Variants in SMIM23 observed in about 807,000 individuals in gnomAD.
SMIM23 encodes the protein CTB-78H18.1.
Under a neutral mutation model 12.8 loss-of-function variants are expected in SMIM23, and 10 were observed. That is an observed-to-expected ratio of 0.78 (90% CI 0.48 to 1.32). SMIM23 has a LOEUF of 1.32. SMIM23 is among the 40% of genes most tolerant of loss of function. The pLI, the probability that SMIM23 is intolerant of heterozygous loss-of-function variation, is 0.00. For synonymous variants in SMIM23, 78 were observed against 80.1 expected (o/e 0.97, Z 0.14); for missense variants, 184 against 198.2 (o/e 0.93, Z 0.43).
At chr5:171,788,942 C>T (rs28621037) in intron 1 of SMIM23, among the ~76,000 whole-genome samples, 5 of 152,278 alleles carry the variant, frequency 3.3e-5, no homozygotes, top group Admixed American at 6.5e-5. Flanking sequence ...CAGGCTCAAG[C>T]GATGCTCCTG....
At chr5:171,777,413 A>C in the SMIM23 span, among the ~76,000 whole-genome samples, 104 of 152,246 alleles carry the variant, frequency 6.8e-4, no homozygotes, top group East Asian at 0.015. Flanking sequence ...CACTGTTCGC[A>C]GTTCTTTAGC....
chr5:171,788,876 G>A (rs147679094), intron 1 of SMIM23, among the ~76,000 whole-genome samples: 4,602 of 152,280 alleles, frequency 0.03, 82 homozygotes, highest in Non-Finnish European at 0.048. Context: ...TTCTTGCTCT[G>A]TCACCCAGAC....
intron 1 of SMIM23, among the ~76,000 whole-genome samples, chr5:171,786,997 T>C (rs1207276000): frequency 2.9e-5 from 4 of 138,970 alleles, no homozygotes; most frequent in Non-Finnish European, 4.6e-5. Flanking sequence ...CAGAGTCCCA[T>C]TGTTTCCTTT....
chr5:171,783,685 A>G (rs377216071), upstream of SMIM23, among the ~76,000 whole-genome samples: 8 of 152,380 alleles, frequency 5.3e-5, no homozygotes, highest in East Asian at 9.6e-4. Flanking sequence ...AGCACAATTC[A>G]TAAAAGAAAA....
chr5:171,782,090 C>A (rs887463887), upstream of SMIM23, among the ~76,000 whole-genome samples: 2 of 152,220 alleles, frequency 1.3e-5, no homozygotes, highest in African/African-American at 4.8e-5. Flanking sequence ...TTTCGCTCTT[C>A]ACAGTAAATC....
upstream of SMIM23, among the ~76,000 whole-genome samples, chr5:171,783,383 A>G (rs534359188): frequency 3.3e-5 from 5 of 152,376 alleles, no homozygotes; most frequent in South Asian, 2.1e-4. Context: ...AAATCACTCT[A>G]CTTGCTATTA....
upstream of SMIM23, among the ~76,000 whole-genome samples, chr5:171,777,601 A>G (rs1444117773): frequency 6.6e-6 from 1 of 152,194 alleles, no homozygotes; most frequent in African/African-American, 2.4e-5. Flanking sequence ...GCTGTGAACA[A>G]ACACTGAGCT....
At chr5:171,790,025 A>T (rs189325951) in intron 1 of SMIM23, among the ~76,000 whole-genome samples, 2 of 152,380 alleles carry the variant, frequency 1.3e-5, no homozygotes, top group Admixed American at 1.3e-4. Context: ...CAAATTGAAC[A>T]TCAGTAAGTT....
intron 1 of SMIM23, among the ~76,000 whole-genome samples, chr5:171,789,886 A>G (rs552287194): frequency 2.6e-5 from 4 of 152,374 alleles, no homozygotes; most frequent in African/African-American, 9.6e-5. Context: ...ACATTCATCA[A>G]TACTCATCAG....
upstream of SMIM23, among the ~76,000 whole-genome samples, chr5:171,778,480 CACACACACACACAGAT>C (rs1423356227): frequency 1.3e-5 from 2 of 148,682 alleles, no homozygotes; most frequent in African/African-American, 5.0e-5. Context: ...CACACACACA[CACACACACACACAGAT>C]AGAGACAGAG....
chr5:171,785,169 C>T (rs1055445529), upstream of SMIM23, among the ~76,000 whole-genome samples: 5 of 152,056 alleles, frequency 3.3e-5, no homozygotes, highest in African/African-American at 1.2e-4. Context: ...CACACACACA[C>T]ACACACACAA....
At chr5:171,787,082 C>T (rs1034827981) in intron 1 of SMIM23, among the ~76,000 whole-genome samples, 1 of 136,050 alleles carries the variant, frequency 7.4e-6, no homozygotes, top group Non-Finnish European at 1.5e-5. Flanking sequence ...TACAACAGTG[C>T]GATCTTGGCT....
At chr5:171,782,829 A>G (rs1755752038), upstream of SMIM23, 2 of 152,216 alleles carry the variant, frequency 1.3e-5, no homozygotes, top group Non-Finnish European at 2.9e-5. Context: ...GTTTAGTAAG[A>G]CAGATTTAAT....
upstream of SMIM23, among the ~76,000 whole-genome samples, chr5:171,778,858 A>G (rs932038281): frequency 6.6e-6 from 1 of 152,178 alleles, no homozygotes; most frequent in Non-Finnish European, 1.5e-5. Context: ...TTTCTGGTTC[A>G]GTGTCTGCCT....
chr5:171,784,002 G>A (rs1376816653), upstream of SMIM23, among the ~76,000 whole-genome samples: 2 of 152,168 alleles, frequency 1.3e-5, no homozygotes, highest in African/African-American at 4.8e-5. Context: ...AGCACTTTGG[G>A]AGCCCGAGGT....
chr5:171,787,935 AT>A (rs144396585), intron 1 of SMIM23, among the ~76,000 whole-genome samples: 1,939 of 149,844 alleles, frequency 0.013, 39 homozygotes, highest in African/African-American at 0.043. Context: ...GCTATGTAAC[AT>A]TTTTTTTTTA....
At chr5:171,782,087 C>T (rs904892060), upstream of SMIM23, among the ~76,000 whole-genome samples, 10 of 152,348 alleles carry the variant, frequency 6.6e-5, no homozygotes, top group African/African-American at 2.2e-4. Flanking sequence ...TTGTTTCGCT[C>T]TTCACAGTAA....
upstream of SMIM23, among the ~76,000 whole-genome samples, chr5:171,780,288 C>G (rs575933357): frequency 1.1e-3 from 172 of 152,190 alleles, no homozygotes; most frequent in Non-Finnish European, 2.2e-3. Context: ...AAAGGCCTCT[C>G]TCTCCTTTCT....
the SMIM23 span, chr5:171,773,562 A>C: frequency 2.9e-6 from 1 of 339,404 alleles, no homozygotes. Flanking sequence ...TGGTGCCCTC[A>C]CGGGGCAGAC....
Sources: gnomAD v4.1 joint callset for allele counts (sites outside exome capture counted in the v4.1 genomes callset) on GRCh38, gnomAD v4.1.1 for gene constraint, MANE v1.5 for transcripts, NCBI Gene and HGNC (gene_info 2026-07-23, HGNC 2026-07-21) for gene names.